The following FRRS1 variants were observed in gnomAD, a reference collection of about 807,000 sequenced individuals.
The protein encoded by FRRS1 is ferric reductase 1.
FRRS1 carries 51 observed loss-of-function variants against 70.7 expected under a neutral mutation model. The observed-to-expected ratio is 0.72, with a 90% CI of 0.58 to 0.91. The LOEUF (loss-of-function observed/expected upper bound fraction) is 0.91, where lower values mean the gene tolerates loss of function less well. FRRS1 is among the 40% of genes least tolerant of loss of function. FRRS1 has a pLI of 0.00. For synonymous variants in FRRS1, 225 were observed against 238.7 expected, an observed-to-expected ratio of 0.94 and a Z score of 0.53; for missense variants, 672 against 726.0, an observed-to-expected ratio of 0.93 and a Z score of 0.86.
At position 99,738,165 on chromosome 1, in the gene FRRS1, T is replaced by A. The variant is rs1394600599; in HGVS notation, c.680A>T (p.Asp227Val). Residue 227 changes from aspartate (D) to valine (V), a missense_variant, in exon 7 of 17, where the codon GAT (aspartate) becomes GTT (valine). Transcript: ENST00000646001. ...ASCVFLSFTRDDQSVMVEMSG... is the reference protein window; with the variant it reads ...ASCVFLSFTRVDQSVMVEMSG... ...CATTTCAACCATCACCGATTGGTCA[T>A]CTCTTGTGAAGGACAAGAAGACACA... The A allele has an allele frequency of 6.2e-7, 1 of 1,613,712 alleles. No homozygotes were observed. The highest frequency in any genetic ancestry group is 1.1e-5 in the South Asian group (1 of 91,048).
rs1656731391 is a variant in FRRS1 at position 99,754,504 on chromosome 1, AG to A, written c.-105-5504del. Among the ~76,000 whole-genome samples, 224 of 100,586 alleles carry A rather than the reference AG, an allele frequency of 2.2e-3. 1 individual carries two copies. Among genetic ancestry groups the A allele is most frequent in the African/African-American group, 0.012 (216 of 17,690 alleles). 66.0% of individuals were successfully genotyped at this position (100,586 alleles called of 152,430 possible). On this transcript the variant is annotated intron_variant, in intron 1 of 16. Coordinates refer to ENST00000646001, the MANE Select transcript of FRRS1 (RefSeq NM_001361041.2). ...TTGTCTCAAAGAGAGAGAGAGAGAG[AG>A]AAAGAGAGAGAGAGAGAGAGAAATG...
chr1:99,744,409 A>T lies in FRRS1; in HGVS notation c.334-2136T>A, dbSNP rs141624693. Among the ~76,000 whole-genome samples the T allele has an allele frequency of 9.0e-3, 1,372 of 152,322 alleles. 10 individuals are homozygous for T. Among genetic ancestry groups the T allele is most frequent in the Middle Eastern group, 0.031 (9 of 294 alleles). Reference sequence around the variant, plus strand: ...AGAGAAGCAGCTTCTATTGACCAAGAGGCAACAGGCAAGTTCCCAGGCGTC... The same window carrying T: ...AGAGAAGCAGCTTCTATTGACCAAGTGGCAACAGGCAAGTTCCCAGGCGTC... On this transcript the variant is annotated intron_variant, in intron 4 of 16. Transcript: ENST00000646001.
At chr1:99,734,056 A>C (rs1362253176) in intron 7 of FRRS1, among the ~76,000 whole-genome samples, 1 of 152,228 alleles carries the variant, frequency 6.6e-6, no homozygotes, top group African/African-American at 2.4e-5. Context: ...TATTATATAA[A>C]TTGTAGAATA....
chr1:99,748,862 C>T (rs1048138764), intron 2 of FRRS1, 35 bp downstream of exon 2: 105 of 871,344 alleles, frequency 1.2e-4, no homozygotes, highest in Middle Eastern at 7.0e-4. Flanking sequence ...TAACTACTTG[C>T]TTTCTGTGTT....
intron 9 of FRRS1, among the ~76,000 whole-genome samples, chr1:99,722,679 CAAAA>C (rs766859718): frequency 1.6e-4 from 24 of 152,042 alleles, no homozygotes; most frequent in Non-Finnish European, 3.1e-4. Flanking sequence ...AAGTTAGAAA[CAAAA>C]GAATATTTCC....
In FRRS1 at chr1:99,734,539, G is replaced by A. The variant is rs138854799; in HGVS notation, c.759+3547C>T. ...TACTATCTTTTTAACTTTTATTGAG[G>A]TTTAAAACTTTTCAAAACAAAAAAT... On this transcript the variant is annotated intron_variant, in intron 7 of 16. Coordinates refer to ENST00000646001, the MANE Select transcript of FRRS1 (RefSeq NM_001361041.2). Among the ~76,000 whole-genome samples the A allele has an allele frequency of 1.0e-3, 157 of 152,250 alleles. No individual in the cohort carries two copies. The South Asian group carries it at 0.012, about 12-fold the overall frequency.
intron 9 of FRRS1, among the ~76,000 whole-genome samples, chr1:99,722,471 G>A (rs1250374496): frequency 6.6e-6 from 1 of 151,986 alleles, no homozygotes; most frequent in Non-Finnish European, 1.5e-5. Context: ...GATGTAAAAA[G>A]CTTAAAGAAA....
At chr1:99,742,996 T>C (rs1656050303) in intron 4 of FRRS1, among the ~76,000 whole-genome samples, 1 of 151,920 alleles carries the variant, frequency 6.6e-6, no homozygotes, top group African/African-American at 2.4e-5. Flanking sequence ...GATGAATGAG[T>C]AAATAAATGA....
At chr1:99,754,028 A>T (rs1656706044) in intron 1 of FRRS1, among the ~76,000 whole-genome samples, 1 of 152,234 alleles carries the variant, frequency 6.6e-6, no homozygotes, top group African/African-American at 2.4e-5. Flanking sequence ...AACCAAGGAA[A>T]GTTATCAGAG....
chr1:99,730,605 C>A (rs577270357), intron 7 of FRRS1, among the ~76,000 whole-genome samples: 2 of 152,096 alleles, frequency 1.3e-5, no homozygotes, highest in Non-Finnish European at 2.9e-5. Context: ...AGGTGGCTCA[C>A]GCCTGTAGTC....
rs1043912406 is a variant in FRRS1 at position 99,711,032 on chromosome 1, G to C, written c.1481-83C>G. 7.0e-6 allele frequency: 8 copies of C among 1,139,530 alleles called. No individual in the cohort carries two copies. In the African/African-American group the frequency reaches 7.8e-5, roughly 11 times the overall value. The allele number at this position is 1,139,530 out of a possible 1,614,324, so 70.6% of individuals were successfully genotyped here. Reference sequence around the variant, plus strand: ...TGTGTTTGTGTATGTGTATTATCAAGTAAAACATACTAAAAGAGTTTGAGA... The same window carrying C: ...TGTGTTTGTGTATGTGTATTATCAACTAAAACATACTAAAAGAGTTTGAGA... On this transcript the variant is annotated intron_variant, in intron 14 of 16. Coordinates refer to ENST00000646001, the MANE Select transcript of FRRS1 (RefSeq NM_001361041.2).
intron 15 of FRRS1, 100 bp from the exon 16 acceptor site, chr1:99,709,359 G>A (rs1466355824): frequency 2.6e-6 from 2 of 781,664 alleles, no homozygotes; most frequent in African/African-American, 3.5e-5. Flanking sequence ...CAATTTCCAG[G>A]GTAGAAATTC....
intron 15 of FRRS1, among the ~76,000 whole-genome samples, chr1:99,709,739 G>A (rs184211676): frequency 1.2e-3 from 180 of 152,208 alleles, no homozygotes; most frequent in African/African-American, 4.1e-3. Context: ...AGGAAGAGGC[G>A]GGTAGATCAC....
chr1:99,746,128 G>C (rs1377702014), intron 4 of FRRS1, among the ~76,000 whole-genome samples: 2 of 152,148 alleles, frequency 1.3e-5, no homozygotes, highest in African/African-American at 4.8e-5. Flanking sequence ...TACAATATTA[G>C]ACAATGCCCC....
chr1:99,754,208 A>G (rs914970348), intron 1 of FRRS1, among the ~76,000 whole-genome samples: 2 of 152,216 alleles, frequency 1.3e-5, no homozygotes, highest in Non-Finnish European at 2.9e-5. Context: ...GCTCATGCCT[A>G]TAATCCCAGC....
chr1:99,763,725 G>A (rs768681297), intron 1 of FRRS1, among the ~76,000 whole-genome samples: 4 of 151,894 alleles, frequency 2.6e-5, no homozygotes, highest in East Asian at 3.9e-4. Flanking sequence ...AAAAGTAGCC[G>A]GGCTTGGGGG....
intron 11 of FRRS1, among the ~76,000 whole-genome samples, chr1:99,716,932 T>C (rs979835504): frequency 3.3e-5 from 5 of 152,198 alleles, no homozygotes; most frequent in East Asian, 3.9e-4. Context: ...ATACAGGAGA[T>C]AGATGATCCC....
intron 1 of FRRS1, among the ~76,000 whole-genome samples, chr1:99,756,508 A>T (rs918809005): frequency 6.6e-6 from 1 of 152,208 alleles, no homozygotes; most frequent in Non-Finnish European, 1.5e-5. Context: ...AAATGTAATT[A>T]TTATTTGATT....
At chr1:99,713,152 A>C (rs72956490) in intron 12 of FRRS1, among the ~76,000 whole-genome samples, 16,350 of 152,192 alleles carry the variant, frequency 0.11, 1,666 homozygotes, top group African/African-American at 0.27. Flanking sequence ...TATTTTAACC[A>C]CAATGCTCAC....
Sources: gnomAD v4.1 joint callset for allele counts (sites outside exome capture counted in the v4.1 genomes callset) on GRCh38, gnomAD v4.1.1 for gene constraint, MANE v1.5 for transcripts, NCBI Gene and HGNC (gene_info 2026-07-23, HGNC 2026-07-21) for gene names.